The following INPP5D variants were observed in gnomAD, a reference collection of about 807,000 sequenced individuals.
The protein encoded by INPP5D is phosphatidylinositol 3,4,5-trisphosphate 5-phosphatase 1.
In INPP5D, 33 loss-of-function variants were observed where a neutral mutation model predicts 122.9. That is an observed-to-expected ratio of 0.27 (90% CI 0.20 to 0.36). The LOEUF (loss-of-function observed/expected upper bound fraction) is 0.36, where lower values mean the gene tolerates loss of function less well. INPP5D is among the 10% of genes least tolerant of loss of function. The probability of loss-of-function intolerance (pLI) is 1.00; values close to 1 mark genes in which losing one functional copy is unlikely to be tolerated. For synonymous variants in INPP5D, 584 were observed against 576.2 expected (o/e 1.01, Z -0.19); for missense variants, 1,053 against 1,412.7 (o/e 0.75, Z 4.08).
chr2:233,112,020 T>G (rs1195322950), intron 2 of INPP5D, among the ~76,000 whole-genome samples: 2 of 149,206 alleles, frequency 1.3e-5, no homozygotes, highest in African/African-American at 2.5e-5. Context: ...GCTGTGATCA[T>G]GCCACTGCGC....
At chr2:233,181,561 A>G (rs2106312999) in intron 18 of INPP5D, among the ~76,000 whole-genome samples, 1 of 152,308 alleles carries the variant, frequency 6.6e-6, no homozygotes, top group Admixed American at 6.5e-5. Context: ...CCAACGGGCT[A>G]TCTTGAAAGA....
intron 2 of INPP5D, among the ~76,000 whole-genome samples, chr2:233,104,663 T>TG (rs1355858710): frequency 6.6e-6 from 1 of 152,012 alleles, no homozygotes; most frequent in African/African-American, 2.4e-5. Flanking sequence ...TCTATAAAGT[T>TG]GGGGGGTCCA....
chr2:233,060,734 G>T, intron 1 of INPP5D, 122 bp downstream of exon 1: 1 of 1,316,642 alleles, frequency 7.6e-7, no homozygotes, highest in Admixed American at 2.0e-5. Flanking sequence ...ACACTTCCCC[G>T]CCACCCTGTC....
chr2:233,152,456 G>A lies in INPP5D; in HGVS notation c.1030+4862G>A, dbSNP rs145226909. Among the ~76,000 whole-genome samples, 438 of 152,264 alleles carry A rather than the reference G, an allele frequency of 2.9e-3. 5 individuals are homozygous for A. The highest frequency in any genetic ancestry group is 0.014 in the Middle Eastern group (4 of 294). On this transcript the variant is annotated intron_variant, in intron 9 of 26. Transcript: ENST00000445964. ...GGATGCGAAGGTGAACCAGCCAGCC[G>A]GGATCCTAGCTTTCAGGAAAGTTTC...
intron 4 of INPP5D, among the ~76,000 whole-genome samples, chr2:233,127,164 G>A (rs929497461): frequency 1.3e-5 from 2 of 152,204 alleles, no homozygotes; most frequent in Non-Finnish European, 2.9e-5. Flanking sequence ...GCGTGAAGCC[G>A]AGCTTCCAGG....
intron 9 of INPP5D, among the ~76,000 whole-genome samples, chr2:233,157,529 A>T (rs1331279150): frequency 6.6e-6 from 1 of 152,230 alleles, no homozygotes; most frequent in Non-Finnish European, 1.5e-5. Context: ...TAGCATTTTG[A>T]TAATCAGAAT....
At chr2:233,155,155 G>C (rs1694015201) in intron 9 of INPP5D, among the ~76,000 whole-genome samples, 1 of 151,980 alleles carries the variant, frequency 6.6e-6, no homozygotes, top group Non-Finnish European at 1.5e-5. Flanking sequence ...GGGGAAGAAG[G>C]GGAAAGGGAA....
intron 25 of INPP5D, among the ~76,000 whole-genome samples, chr2:233,198,928 C>T (rs1379828524): frequency 6.7e-6 from 1 of 150,134 alleles, no homozygotes; most frequent in East Asian, 2.0e-4. Context: ...CCAGCCTGGG[C>T]AACAAGACTG....
rs749805190 is a variant in INPP5D, at chr2:233,182,519, T to C, written c.2161+20T>C. ...AGAACGGTAAGCAAAGGATGGTGTC[T>C]GTTTCTCTGTTTTCCTCAATGACAA... On this transcript the variant is annotated intron_variant, in intron 19 of 26. Transcript: ENST00000445964. The C allele has an allele frequency of 1.2e-6, 2 of 1,611,284 alleles. No homozygotes were observed. Among genetic ancestry groups the C allele is most frequent in the Admixed American group, 3.3e-5 (2 of 59,924 alleles).
intron 1 of INPP5D, among the ~76,000 whole-genome samples, chr2:233,076,057 G>A (rs1691511516): frequency 6.6e-6 from 1 of 152,050 alleles, no homozygotes; most frequent in African/African-American, 2.4e-5. Flanking sequence ...TTCCTGTTCT[G>A]TGCGCCTGCC....
intron 9 of INPP5D, among the ~76,000 whole-genome samples, chr2:233,150,970 A>G (rs146198095): frequency 2.8e-3 from 430 of 152,254 alleles, no homozygotes; most frequent in Non-Finnish European, 3.8e-3. Flanking sequence ...GAAATCACAC[A>G]TTACATGTTG....
Position 233,165,049 on chromosome 2 carries a change from T to C in INPP5D, c.1555+625T>C, listed in dbSNP as rs964698674. Among the ~76,000 whole-genome samples, 5 of 152,294 alleles carry C rather than the reference T, an allele frequency of 3.3e-5. No individual in the cohort carries two copies. The East Asian group carries it at 9.7e-4, about 29-fold the overall frequency. ...AGAGAGCAGTAACAAGGGCAAGAAG[T>C]CTTCATAAGTGTAGGAGTGCAAGCC... On this transcript the variant is annotated intron_variant, in intron 13 of 26. Transcript: ENST00000445964.
chr2:233,199,530 C>T (rs1039780212), intron 25 of INPP5D, among the ~76,000 whole-genome samples: 1 of 79,492 alleles, frequency 1.3e-5, no homozygotes, highest in Admixed American at 1.4e-4. Context: ...AGTGAGACTC[C>T]GTCTCAAAAA....
At chr2:233,102,674 C>T (rs1692346446) in intron 2 of INPP5D, among the ~76,000 whole-genome samples, 1 of 151,874 alleles carries the variant, frequency 6.6e-6, no homozygotes, top group African/African-American at 2.4e-5. Context: ...CAGTGAAACC[C>T]CGTCTCTACT....
intron 2 of INPP5D, among the ~76,000 whole-genome samples, chr2:233,085,808 G>C (rs1010204237): frequency 6.6e-6 from 1 of 152,142 alleles, no homozygotes; most frequent in Non-Finnish European, 1.5e-5. Flanking sequence ...TCTGGAAAGA[G>C]TATCCATGCC....
chr2:233,097,229 G>T (rs1316092646), intron 2 of INPP5D, among the ~76,000 whole-genome samples: 1 of 152,148 alleles, frequency 6.6e-6, no homozygotes, highest in African/African-American at 2.4e-5. Flanking sequence ...CAGCTGCATA[G>T]GTTTAATCGA....
intron 22 of INPP5D, among the ~76,000 whole-genome samples, chr2:233,193,070 G>T (rs144392674): frequency 6.6e-6 from 1 of 152,198 alleles, no homozygotes; most frequent in Non-Finnish European, 1.5e-5. Flanking sequence ...GTAATTTTTC[G>T]TAGAGAGGGG....
At chr2:233,179,798 CAG>C (rs760055739) in intron 18 of INPP5D, among the ~76,000 whole-genome samples, 4 of 152,204 alleles carry the variant, frequency 2.6e-5, no homozygotes, top group East Asian at 1.9e-4. Flanking sequence ...GCTCAGGAAA[CAG>C]GGGTGACCTG....
At position 233,137,868 on chromosome 2, in the gene INPP5D, A is replaced by ATGTG. The variant is rs1559313370; in HGVS notation, c.666-1973_666-1972insGTGT. 8.7e-5 allele frequency among the ~76,000 whole-genome samples: 2 copies of ATGTG among 22,988 alleles called. 1 individual carries two copies. The highest frequency in any genetic ancestry group is 1.0e-3 in the Admixed American group (2 of 1,972). The allele number at this position is 22,988 out of a possible 152,430, so 15.1% of individuals were successfully genotyped here. ...AAAAAAAAAAAATATATATATATAT[A>ATGTG]TATATATATATATATATATATATAT... is the stretch of plus-strand genomic sequence containing the variant. On this transcript the variant is annotated intron_variant, in intron 5 of 26. Coordinates refer to ENST00000445964, the MANE Select transcript of INPP5D (RefSeq NM_001017915.3).
Sources: gnomAD v4.1 joint callset for allele counts (sites outside exome capture counted in the v4.1 genomes callset) on GRCh38, gnomAD v4.1.1 for gene constraint, MANE v1.5 for transcripts, NCBI Gene and HGNC (gene_info 2026-07-23, HGNC 2026-07-21) for gene names.